WDR11: variants seen among roughly 807,000 people sequenced by gnomAD.
The protein encoded by WDR11 is WD repeat domain 11, also known as WD repeat-containing protein 11.
WDR11 carries 83 observed loss-of-function variants against 151.2 expected under a neutral mutation model. The observed-to-expected ratio is 0.55, with a 90% CI of 0.46 to 0.66. The LOEUF is 0.66. Ranked by LOEUF, WDR11 falls within the 30% of genes least tolerant of loss-of-function variation. The probability of loss-of-function intolerance (pLI) is 0.00; values close to 1 mark genes in which losing one functional copy is unlikely to be tolerated. For synonymous variants in WDR11, 484 were observed against 533.1 expected, an observed-to-expected ratio of 0.91 and a Z score of 1.27; for missense variants, 1,301 against 1,480.9, an observed-to-expected ratio of 0.88 and a Z score of 1.99.
chr10:120,890,079 C>T, intron 18 of WDR11, 70 bp downstream of exon 18: 1 of 1,095,222 alleles, frequency 9.1e-7, no homozygotes, highest in Non-Finnish European at 1.4e-6. Flanking sequence ...TGTTAAAAAA[C>T]TTCTTTCTGA....
chr10:120,857,080 A>C (rs1451993004), intron 2 of WDR11, among the ~76,000 whole-genome samples: 1 of 125,242 alleles, frequency 8.0e-6, no homozygotes, highest in Non-Finnish European at 1.6e-5. Context: ...AGATTATCAC[A>C]TATATATATA....
intron 2 of WDR11, among the ~76,000 whole-genome samples, chr10:120,854,966 A>G (rs1447730147): frequency 6.6e-6 from 1 of 152,166 alleles, no homozygotes; most frequent in Non-Finnish European, 1.5e-5. Flanking sequence ...AACCCTATAT[A>G]TATTGTGCTT....
At chr10:120,906,315 A>G in intron 27 of WDR11, 1 of 1,292,392 alleles carries the variant, frequency 7.7e-7, no homozygotes, top group Non-Finnish European at 9.9e-7. Context: ...CTTTGACTAG[A>G]GCAACTGAGA....
Position 120,856,435 on chromosome 10 carries a change from C to T in WDR11, c.199-2208C>T, listed in dbSNP as rs562168577. ...ACTAAAAATACAAAAATTAGCCAGGCGTGGTGGTACACACCTGTAATCCCA... is the reference window on the plus strand; with the variant it reads ...ACTAAAAATACAAAAATTAGCCAGGTGTGGTGGTACACACCTGTAATCCCA... On this transcript the variant is annotated intron_variant, in intron 2 of 28. Transcript: ENST00000263461. Among the ~76,000 whole-genome samples, 32 of 151,990 alleles carry T rather than the reference C, an allele frequency of 2.1e-4. No homozygotes were observed. In the South Asian group the frequency reaches 4.2e-3, roughly 20 times the overall value.
At chr10:120,866,950 G>T (rs780975351) in intron 8 of WDR11, 116 bp from the exon 9 acceptor site, 18 of 1,062,878 alleles carry the variant, frequency 1.7e-5, no homozygotes, top group Non-Finnish European at 2.4e-5. Flanking sequence ...TGGGTAAGAT[G>T]AATGAATAAT....
At chr10:120,869,106 G>GTTT (rs35675368) in intron 9 of WDR11, among the ~76,000 whole-genome samples, 80 of 81,974 alleles carry the variant, frequency 9.8e-4, no homozygotes, top group Middle Eastern at 6.5e-3. Context: ...TAAATTACAG[G>GTTT]TTTTTTTTTT....
intron 9 of WDR11, 89 bp from the exon 10 acceptor site, chr10:120,871,081 G>A (rs1846520347): frequency 1.5e-6 from 2 of 1,345,920 alleles, no homozygotes; most frequent in Admixed American, 3.9e-5. Context: ...TTTTAGACCT[G>A]AAGAGCATTT....
chr10:120,908,419 G>T, intron 28 of WDR11, 137 bp from the exon 29 acceptor site: 1 of 877,182 alleles, frequency 1.1e-6, no homozygotes, highest in Non-Finnish European at 1.9e-6. Flanking sequence ...TGTTCATCCT[G>T]TGCTGCCCGC....
At position 120,908,741 on chromosome 10, in the gene WDR11, C is replaced by A. The variant is rs1465537711; in HGVS notation, c.*28C>A. On this transcript the variant is annotated 3_prime_UTR_variant, in exon 29 of 29. Coordinates refer to ENST00000263461, the MANE Select transcript of WDR11 (RefSeq NM_018117.12). ...GCTTAATAAATGCCAGGGAATCTGA[C>A]CTGGAAGGCAGATGGGAGGGGGCTG... 6.2e-6 allele frequency: 10 copies of A among 1,613,138 alleles called. No individual in the cohort carries two copies. The highest frequency in any genetic ancestry group is 8.5e-6 in the Non-Finnish European group (10 of 1,179,862).
chr10:120,903,278 T>G, intron 23 of WDR11, 46 bp downstream of exon 23: 1 of 1,603,474 alleles, frequency 6.2e-7, no homozygotes, highest in Non-Finnish European at 8.5e-7. Context: ...TCATCTTGAT[T>G]ACTTATATCT....
intron 11 of WDR11, among the ~76,000 whole-genome samples, chr10:120,875,567 C>T (rs1461890148): frequency 2.6e-5 from 4 of 152,240 alleles, no homozygotes; most frequent in East Asian, 1.9e-4. Flanking sequence ...TGCAATGGCG[C>T]GATCTCAGCT....
At chr10:120,869,882 C>T (rs934389428) in intron 9 of WDR11, among the ~76,000 whole-genome samples, 10 of 152,078 alleles carry the variant, frequency 6.6e-5, no homozygotes, top group Non-Finnish European at 1.5e-4. Context: ...CTCCACCTCC[C>T]GAGTTCAAGC....
chr10:120,892,300 T>A (rs1445739092), intron 19 of WDR11, among the ~76,000 whole-genome samples: 6 of 150,732 alleles, frequency 4.0e-5, no homozygotes, highest in African/African-American at 1.5e-4. Flanking sequence ...ATTTTTCTGA[T>A]TTTTTTTTAT....
At chr10:120,851,543 C>A (rs1590046229) in intron 1 of WDR11, 37 bp downstream of exon 1, 1 of 1,596,458 alleles carries the variant, frequency 6.3e-7, no homozygotes, top group Non-Finnish European at 8.5e-7. Flanking sequence ...CAGGATCGGC[C>A]AGGAATGTGT....
intron 9 of WDR11, among the ~76,000 whole-genome samples, chr10:120,870,667 A>G (rs1320643611): frequency 6.6e-6 from 1 of 152,198 alleles, no homozygotes; most frequent in Non-Finnish European, 1.5e-5. Context: ...ACACTGACAC[A>G]TTAAGGTTTC....
At chr10:120,900,217 C>A in intron 20 of WDR11, 80 bp downstream of exon 20, 1 of 1,192,034 alleles carries the variant, frequency 8.4e-7, no homozygotes, top group Non-Finnish European at 1.2e-6. Flanking sequence ...ATGGCCTGTA[C>A]TCCAGCATTT....
intron 2 of WDR11, among the ~76,000 whole-genome samples, chr10:120,854,451 G>A (rs755735571): frequency 6.6e-6 from 1 of 152,108 alleles, no homozygotes; most frequent in Non-Finnish European, 1.5e-5. Context: ...TGCCTGTTAC[G>A]AATAATGCTG....
chr10:120,871,019 T>C (rs879646589), intron 9 of WDR11, 151 bp from the exon 10 acceptor site: 4 of 771,788 alleles, frequency 5.2e-6, no homozygotes, highest in Admixed American at 4.8e-5. Flanking sequence ...TACAGAGTCA[T>C]TGTGTCCTTA....
chr10:120,890,618 G>A, intron 18 of WDR11, 98 bp from the exon 19 acceptor site: 2 of 1,435,146 alleles, frequency 1.4e-6, no homozygotes, highest in South Asian at 2.3e-5. Context: ...AACTTGAACT[G>A]GGCCTTTGCC....
Sources: allele counts gnomAD v4.1 joint callset (sites outside exome capture counted in the v4.1 genomes callset), GRCh38; gene constraint gnomAD v4.1.1; transcripts MANE v1.5; gene names NCBI Gene and HGNC (gene_info 2026-07-23, HGNC 2026-07-21).